Variants in STARD13 observed in about 807,000 individuals in gnomAD.
The protein encoded by STARD13 is StAR related lipid transfer domain containing 13.
In STARD13, 62 loss-of-function variants were observed where a neutral mutation model predicts 106.4. The observed-to-expected ratio is 0.58, with a 90% CI of 0.48 to 0.72. The LOEUF (loss-of-function observed/expected upper bound fraction) is 0.72. Among genes scored for constraint, STARD13 ranks in the 30% least tolerant of loss-of-function variants. The pLI is 0.00. For missense variants in STARD13, 1,387 were observed against 1,424.0 expected (o/e 0.97, Z 0.42); for synonymous variants, 565 against 553.0 (o/e 1.02, Z -0.31).
chr13:33,111,692 G>T, intron 10 of STARD13, 86 bp downstream of exon 10: 1 of 826,784 alleles, frequency 1.2e-6, no homozygotes. Flanking sequence ...CAAACAGATA[G>T]AAACCATAAA....
the STARD13 span, among the ~76,000 whole-genome samples, chr13:33,429,819 A>G: frequency 2.0e-5 from 3 of 152,194 alleles, no homozygotes; most frequent in South Asian, 6.3e-4. Flanking sequence ...TGGATACAAA[A>G]AAATAGGAAG....
At chr13:33,576,983 T>G in the STARD13 span, among the ~76,000 whole-genome samples, 4 of 152,326 alleles carry the variant, frequency 2.6e-5, no homozygotes, top group African/African-American at 9.6e-5. Flanking sequence ...AAAAACTCCC[T>G]TAAAGTTTTA....
upstream of STARD13, among the ~76,000 whole-genome samples, chr13:33,289,643 C>G (rs1306069589): frequency 1.3e-5 from 2 of 152,086 alleles, no homozygotes; most frequent in Non-Finnish European, 2.9e-5. Context: ...GGAAGAAGAG[C>G]CTGAAAATCA....
the STARD13 span, among the ~76,000 whole-genome samples, chr13:33,405,933 A>G: frequency 6.6e-6 from 1 of 152,248 alleles, no homozygotes; most frequent in Non-Finnish European, 1.5e-5. Context: ...CTATGTGCCA[A>G]TAAGTATGTT....
intron 1 of STARD13, among the ~76,000 whole-genome samples, chr13:33,200,882 C>T (rs1433269793): frequency 1.3e-5 from 2 of 151,748 alleles, no homozygotes; most frequent in Non-Finnish European, 2.9e-5. Flanking sequence ...AAAAATTAGC[C>T]GGGCATGGTG....
At chr13:33,464,654 G>C in the STARD13 span, among the ~76,000 whole-genome samples, 1 of 152,170 alleles carries the variant, frequency 6.6e-6, no homozygotes, top group Admixed American at 6.5e-5. Context: ...CTCAAGACCA[G>C]CCTGGCCAAC....
chr13:33,458,815 C>CTTTTTTTT, the STARD13 span, among the ~76,000 whole-genome samples: 12 of 113,504 alleles, frequency 1.1e-4, no homozygotes, highest in East Asian at 2.5e-4. Flanking sequence ...AACATGTTTA[C>CTTTTTTTT]TTTTTTTTTT....
chr13:33,128,597 CG>C (rs1474156616), intron 5 of STARD13, among the ~76,000 whole-genome samples: 4 of 152,152 alleles, frequency 2.6e-5, no homozygotes, highest in Non-Finnish European at 5.9e-5. Context: ...GGGGAAGAGT[CG>C]GTGCCTAGGA....
chr13:33,285,384 C>T (rs1246534305), intron 1 of STARD13, 86 bp downstream of exon 1: 1 of 1,407,940 alleles, frequency 7.1e-7, no homozygotes, highest in Non-Finnish European at 9.7e-7. Context: ...AAAGTGGAAA[C>T]AAACAAACAA....
chr13:33,400,563 C>A, the STARD13 span, among the ~76,000 whole-genome samples: 2 of 152,040 alleles, frequency 1.3e-5, no homozygotes, highest in Non-Finnish European at 2.9e-5. Flanking sequence ...CAGGTTCACG[C>A]CATTCTCCCA....
intron 4 of STARD13, among the ~76,000 whole-genome samples, chr13:33,136,047 A>G (rs1383895589): frequency 6.6e-6 from 1 of 152,024 alleles, no homozygotes; most frequent in Non-Finnish European, 1.5e-5. Flanking sequence ...CTTGAACCCC[A>G]GAGGCAGAGG....
chr13:33,176,449 A>C (rs1475577833), intron 1 of STARD13, among the ~76,000 whole-genome samples: 1 of 152,250 alleles, frequency 6.6e-6, no homozygotes, highest in Non-Finnish European at 1.5e-5. Context: ...ATTACATTCA[A>C]GAAATGAAAT....
chr13:33,358,248 T>C, the STARD13 span, among the ~76,000 whole-genome samples: 2 of 152,214 alleles, frequency 1.3e-5, no homozygotes, highest in African/African-American at 4.8e-5. Flanking sequence ...CAGCCCGCCA[T>C]GCCTGAGCCT....
chr13:33,320,269 G>A (rs1376496307), intron 1 of STARD13, among the ~76,000 whole-genome samples: 1 of 152,184 alleles, frequency 6.6e-6, no homozygotes, highest in East Asian at 1.9e-4. Context: ...TGAGTGACTT[G>A]AGCCAGGAGC....
chr13:33,599,126 G>T, the STARD13 span, among the ~76,000 whole-genome samples: 119 of 152,200 alleles, frequency 7.8e-4, no homozygotes, highest in African/African-American at 2.9e-3. Flanking sequence ...TATTGCGCTG[G>T]GTTTTATTTT....
the STARD13 span, among the ~76,000 whole-genome samples, chr13:33,489,521 A>T: frequency 6.6e-6 from 1 of 152,198 alleles, no homozygotes; most frequent in Non-Finnish European, 1.5e-5. Context: ...ATTAAATGTT[A>T]CTTTTATGTG....
the STARD13 span, among the ~76,000 whole-genome samples, chr13:33,595,751 A>G: frequency 6.6e-6 from 1 of 152,204 alleles, no homozygotes; most frequent in Non-Finnish European, 1.5e-5. Context: ...TTGGGTCAGC[A>G]TGGCATGGTT....
the STARD13 span, among the ~76,000 whole-genome samples, chr13:33,415,597 TG>T: frequency 3.3e-5 from 5 of 152,168 alleles, no homozygotes; most frequent in African/African-American, 1.2e-4. Context: ...TTTGAAAAAG[TG>T]TCTTCCTCTC....
chr13:33,305,173 T>G (rs1892859635), intron 1 of STARD13, among the ~76,000 whole-genome samples: 1 of 152,242 alleles, frequency 6.6e-6, no homozygotes, highest in Non-Finnish European at 1.5e-5. Flanking sequence ...ATTATAGGCA[T>G]GAGCCACAGC....
Sources: allele counts gnomAD v4.1 joint callset (sites outside exome capture counted in the v4.1 genomes callset), GRCh38; gene constraint gnomAD v4.1.1; transcripts MANE v1.5; gene names NCBI Gene and HGNC (gene_info 2026-07-23, HGNC 2026-07-21).